The following POGZ variants were observed in gnomAD, a reference collection of about 807,000 sequenced individuals.
POGZ encodes pogo transposable element with ZNF domain.
A neutral mutation model predicts 134.6 loss-of-function variants in POGZ; 17 were observed. That is an observed-to-expected ratio of 0.13 (90% CI 0.09 to 0.19). The LOEUF (loss-of-function observed/expected upper bound fraction) is 0.19. Among genes scored for constraint, POGZ ranks in the 10% least tolerant of loss-of-function variants. The pLI, the probability that POGZ is intolerant of heterozygous loss-of-function variation, is 1.00. For synonymous variants in POGZ, 693 were observed against 657.1 expected, an observed-to-expected ratio of 1.05 and a Z score of -0.84; for missense variants, 1,306 against 1,769.7, an observed-to-expected ratio of 0.74 and a Z score of 4.70.
In POGZ at chr1:151,405,721, A is replaced by G. The variant is rs1248263025; in HGVS notation, c.3314T>C (p.Ile1105Thr). The change falls in exon 19 of 19, where the codon ATT becomes ACT. Residue 1105 changes from isoleucine to threonine, a missense_variant. By Grantham distance (89) the Ile-to-Thr change is moderately conservative. Coordinates refer to ENST00000271715, the MANE Select transcript of POGZ (RefSeq NM_015100.4). The surrounding 1 kb of genome is among the most constrained non-coding windows in gnomAD (Gnocchi z 4.9). The part of the protein sequence containing the change: ...KDVAENAGLF[I>T]DFVQRQIHNQ... The stretch of plus-strand genomic sequence containing the variant: ...GTGAATCTGCCGTTGTACAAAATCA[A>G]TGAAGAGTCCTGCATTCTCTGCTAC... 4 of 1,614,068 alleles carry G rather than the reference A, an allele frequency of 2.5e-6. No individual in the cohort carries two copies. The highest frequency in any genetic ancestry group is 2.2e-5 in the East Asian group (1 of 44,902).
chr1:151,405,694 T>C lies in POGZ; in HGVS notation c.3341A>G (p.Asn1114Ser). ...FIDFVQRQIH[N>S]QDLPLSMIVA... ...AATCATAGACAAGGGTAAGTCCTGGTTGTGAATCTGCCGTTGTACAAAATC... is the reference window on the plus strand; with the variant it reads ...AATCATAGACAAGGGTAAGTCCTGGCTGTGAATCTGCCGTTGTACAAAATC... Residue 1114 changes from asparagine to serine, a missense_variant, in exon 19 of 19, where the codon AAC becomes AGC. By Grantham distance (46) the Asn-to-Ser change is conservative (BLOSUM62 1). This residue lies in a region of POGZ where 161 missense variants were observed against 185.4 expected (regional missense o/e 0.87). Coordinates refer to ENST00000271715, the MANE Select transcript of POGZ (RefSeq NM_015100.4). The surrounding 1 kb of genome is among the most constrained non-coding windows in gnomAD (Gnocchi z 4.9). The C allele has an allele frequency of 6.2e-7, 1 of 1,614,188 alleles. No homozygotes were observed. Among genetic ancestry groups the C allele is most frequent in the Non-Finnish European group, 8.5e-7 (1 of 1,180,028 alleles).
intron 3 of POGZ, among the ~76,000 whole-genome samples, chr1:151,437,407 A>G (rs543922435): frequency 1.2e-4 from 18 of 152,138 alleles, no homozygotes; most frequent in Non-Finnish European, 2.4e-4. Context: ...TTAAATTTCT[A>G]AACTTTTTAA....
At position 151,408,193 on chromosome 1, in the gene POGZ, G is replaced by A; in HGVS notation, c.2282C>T (p.Pro761Leu). The A allele has an allele frequency of 1.2e-6, 2 of 1,613,522 alleles. No individual in the cohort carries two copies. The highest frequency in any genetic ancestry group is 1.3e-5 in the African/African-American group (1 of 74,894). Residue 761 changes from proline (P) to leucine (L), a missense_variant, in exon 15 of 19, where the codon CCA becomes CTA. Pro to Leu is a moderately conservative substitution (Grantham distance 98, BLOSUM62 -3). This residue lies in a region of POGZ where 34 missense variants were observed against 95.5 expected (regional missense o/e 0.36). Coordinates refer to ENST00000271715, the MANE Select transcript of POGZ (RefSeq NM_015100.4). ...QTCLECSFEI[P>L]DFPNHFPTYV... is the part of the protein sequence containing the mutation. ...AGTAGGGAAATGATTAGGGAAGTCT[G>A]GGATCTCGAAGCTGCACTCCAGGCA...
chr1:151,418,957 G>A (rs1656293074), intron 10 of POGZ, among the ~76,000 whole-genome samples: 2 of 149,160 alleles, frequency 1.3e-5, no homozygotes, highest in Admixed American at 6.7e-5. Context: ...ACCAGAAGGT[G>A]GAGGTTGTAG....
intron 1 of POGZ, among the ~76,000 whole-genome samples, chr1:151,447,298 G>A (rs1271201046): frequency 2.6e-5 from 4 of 151,836 alleles, no homozygotes; most frequent in African/African-American, 9.7e-5. Flanking sequence ...CTTGAACCCA[G>A]GAGGCGGAGG....
intron 10 of POGZ, among the ~76,000 whole-genome samples, chr1:151,416,210 CAA>C (rs1212371839): frequency 6.8e-4 from 29 of 42,776 alleles, no homozygotes; most frequent in South Asian, 1.5e-3. Context: ...AACTCCATCT[CAA>C]AAAAAAAAAA....
rs866632178 is a variant in POGZ at position 151,441,000 on chromosome 1, C to T, written c.211G>A (p.Val71Ile). The change falls in exon 3 of 19, where the codon GTT (valine) becomes ATT (isoleucine). Residue 71 changes from valine to isoleucine, a missense_variant. Val to Ile is a conservative substitution (Grantham distance 29, BLOSUM62 3). Transcript: ENST00000271715. Reference sequence around the variant, plus strand: ...CTGTTCTGTGCCCCGCTGCTACTAACGGTGGTGGATGTAGAGAGGTGCCCA... The same window carrying T: ...CTGTTCTGTGCCCCGCTGCTACTAATGGTGGTGGATGTAGAGAGGTGCCCA... ...VAGHLSTSTT[V>I]SSSGAQNSDS... 32 of 1,613,780 alleles carry T rather than the reference C, an allele frequency of 2.0e-5. No individual in the cohort carries two copies. Among genetic ancestry groups the T allele is most frequent in the East Asian group, 8.9e-5 (4 of 44,882 alleles).
intron 1 of POGZ, among the ~76,000 whole-genome samples, chr1:151,446,427 T>G (rs895966371): frequency 1.3e-5 from 2 of 152,062 alleles, no homozygotes; most frequent in African/African-American, 4.8e-5. Flanking sequence ...ATTTCAGATA[T>G]TTAAAGCCAG....
At chr1:151,414,721 G>C (rs978873372) in intron 10 of POGZ, among the ~76,000 whole-genome samples, 8 of 152,180 alleles carry the variant, frequency 5.3e-5, no homozygotes, top group African/African-American at 1.7e-4. Context: ...GGCAGAGGCT[G>C]CGGTGAGCCA....
intron 2 of POGZ, among the ~76,000 whole-genome samples, chr1:151,441,658 G>A (rs1660544581): frequency 6.6e-6 from 1 of 152,012 alleles, no homozygotes; most frequent in African/African-American, 2.4e-5. Flanking sequence ...GCAGACACAA[G>A]GCAATTTCTA....
At chr1:151,415,670 C>CAAAAAAAAAAAAAAAAAAAAAA in intron 10 of POGZ, among the ~76,000 whole-genome samples, 1 of 54,280 alleles carries the variant, frequency 1.8e-5, no homozygotes, top group African/African-American at 5.6e-5. Flanking sequence ...GACTCCGTCT[C>CAAAAAAAAAAAAAAAAAAAAAA]AAAAAAAAAA....
chr1:151,408,831 G>C lies in POGZ; in HGVS notation c.1927-3C>G. The C allele has an allele frequency of 6.5e-7, 1 of 1,549,848 alleles. No homozygotes were observed. On this transcript the variant is annotated splice_region_variant and splice_polypyrimidine_tract_variant and intron_variant, in intron 12 of 18. Transcript: ENST00000271715. The stretch of plus-strand genomic sequence containing the variant: ...TTGCAGTGATAAACATTTCTCTTCT[G>C]AAGTGGGGGAGGGAAAAAAAGAGAC...
chr1:151,429,787 C>CAA lies in POGZ; in HGVS notation c.460-78_460-77dup. ...CAAAGATTGCAGTATGACCTACATC[C>CAA]AAAAAAAAATTCCCATACTCTTACT... is the stretch of plus-strand genomic sequence containing the variant. On this transcript the variant is annotated intron_variant, in intron 4 of 18. Transcript: ENST00000271715. 3 of 713,790 alleles carry CAA rather than the reference C, an allele frequency of 4.2e-6. No homozygotes were observed. The African/African-American group carries it at 5.5e-5, about 13-fold the overall frequency. 44.2% of individuals were successfully genotyped at this position (713,790 alleles called of 1,614,324 possible).
At chr1:151,447,657 T>C (rs1400598524) in intron 1 of POGZ, among the ~76,000 whole-genome samples, 5 of 145,174 alleles carry the variant, frequency 3.4e-5, no homozygotes, top group Non-Finnish European at 7.6e-5. Flanking sequence ...TTTTTTTTTT[T>C]TTTTTTTTTT....
intron 7 of POGZ, chr1:151,426,392 T>A (rs1396723746): frequency 1.3e-5 from 2 of 152,038 alleles, no homozygotes; most frequent in Non-Finnish European, 1.5e-5. Context: ...TCACCATTAT[T>A]GGTCAGGCTG....
chr1:151,443,616 A>C (rs1660870258), intron 1 of POGZ, among the ~76,000 whole-genome samples: 1 of 152,150 alleles, frequency 6.6e-6, no homozygotes, highest in African/African-American at 2.4e-5. Context: ...CGGGAGGCTG[A>C]GGCTGGAGAA....
intron 3 of POGZ, among the ~76,000 whole-genome samples, chr1:151,431,637 C>G (rs56926422): frequency 0.011 from 1,662 of 152,152 alleles, 34 homozygotes; most frequent in African/African-American, 0.038. Context: ...AAAACTAACC[C>G]ACACCAAGTA....
chr1:151,424,241 G>T lies in POGZ; in HGVS notation c.1231C>A (p.Leu411Met), dbSNP rs1657409510. The T allele has an allele frequency of 8.1e-6, 13 of 1,609,572 alleles. No homozygotes were observed. The highest frequency in any genetic ancestry group is 9.3e-6 in the Non-Finnish European group (11 of 1,177,906). Residue 411 changes from leucine to methionine, a missense_variant, in exon 9 of 19, where the codon CTG becomes ATG. By Grantham distance (15) the Leu-to-Met change is conservative (BLOSUM62 2). Transcript: ENST00000271715. ...GATGGGACACTGGGTTCTGAATCCA[G>T]GGACTTTCCTTTCTTCTGGTATTCA... ...MVEYQKKGKS[L>M]DSEPSVPSAA... is the part of the protein sequence containing the mutation.
At position 151,412,359 on chromosome 1, in the gene POGZ, C is replaced by G; in HGVS notation, c.1716G>C (p.Glu572Asp). ...CCTTCATATGCTGGAGAAATAGTGG[C>G]TCACTTTCAAACGCCCATTCACAGA... ...CKICEWAFES[E>D]PLFLQHMKDT... Residue 572 changes from glutamate (E) to aspartate (D), a missense_variant, in exon 11 of 19, where the codon GAG becomes GAC. This residue lies in a region of POGZ where 149 missense variants were observed against 237.5 expected (regional missense o/e 0.63). Transcript: ENST00000271715. The G allele has an allele frequency of 6.2e-7, 1 of 1,610,450 alleles. No individual in the cohort carries two copies. Among genetic ancestry groups the G allele is most frequent in the Non-Finnish European group, 8.5e-7 (1 of 1,177,106 alleles).
Sources: allele counts gnomAD v4.1 joint callset (sites outside exome capture counted in the v4.1 genomes callset), GRCh38; gene constraint gnomAD v4.1.1; regional missense constraint gnomAD v4.1.1; non-coding constraint Gnocchi (gnomAD v3.1); transcripts MANE v1.5; gene names NCBI Gene and HGNC (gene_info 2026-07-23, HGNC 2026-07-21).